Variants in SPAG9 observed in about 807,000 individuals in gnomAD.
SPAG9 encodes the protein sperm associated antigen 9, also known as C-Jun-amino-terminal kinase-interacting protein 4.
In SPAG9, 35 loss-of-function variants were observed where a neutral mutation model predicts 166.5. The ratio of observed to expected loss-of-function variants is 0.21; its 90% confidence interval spans 0.16 to 0.28. The LOEUF is 0.28. SPAG9 is among the 10% of genes least tolerant of loss of function. The pLI is 1.00. For synonymous variants in SPAG9, 534 were observed against 565.5 expected, an observed-to-expected ratio of 0.94 and a Z score of 0.79; for missense variants, 1,235 against 1,603.3, an observed-to-expected ratio of 0.77 and a Z score of 3.92.
chr17:51,116,517 C>T (rs912091607), intron 1 of SPAG9, among the ~76,000 whole-genome samples: 1 of 152,164 alleles, frequency 6.6e-6, no homozygotes, highest in South Asian at 2.1e-4. Context: ...AGTCCCAACA[C>T]TTTGGCAGGA....
intron 6 of SPAG9, among the ~76,000 whole-genome samples, chr17:51,024,591 T>C (rs778817709): frequency 4.0e-5 from 6 of 151,144 alleles, no homozygotes; most frequent in Non-Finnish European, 7.4e-5. Flanking sequence ...CACACGTCTG[T>C]AATCCCAGCT....
chr17:51,109,707 C>A (rs1031444603), intron 1 of SPAG9, among the ~76,000 whole-genome samples: 2 of 151,740 alleles, frequency 1.3e-5, no homozygotes, highest in African/African-American at 2.4e-5. Flanking sequence ...TACAAAGGTT[C>A]TTTTTTTTCT....
intron 3 of SPAG9, among the ~76,000 whole-genome samples, chr17:51,048,751 T>C (rs2047100017): frequency 6.6e-6 from 1 of 152,200 alleles, no homozygotes; most frequent in Non-Finnish European, 1.5e-5. Context: ...AGCTGAACTC[T>C]GATGCATGAA....
At chr17:51,113,149 T>A (rs1402781324) in intron 1 of SPAG9, among the ~76,000 whole-genome samples, 3 of 149,144 alleles carry the variant, frequency 2.0e-5, no homozygotes, top group Non-Finnish European at 4.4e-5. Flanking sequence ...AGGTTGGGAG[T>A]TCGAGACCAG....
At chr17:51,100,235 G>A (rs1046336948) in intron 1 of SPAG9, among the ~76,000 whole-genome samples, 1 of 152,206 alleles carries the variant, frequency 6.6e-6, no homozygotes, top group Non-Finnish European at 1.5e-5. Context: ...CCTGGCCCTT[G>A]GCTAGGTTAA....
chr17:51,078,430 T>G (rs1016758205), intron 2 of SPAG9, among the ~76,000 whole-genome samples: 8 of 152,172 alleles, frequency 5.3e-5, no homozygotes, highest in Non-Finnish European at 1.2e-4. Context: ...AGGCATTCCA[T>G]CATGAATGGC....
At chr17:51,044,675 CAG>C (rs1299372566) in intron 4 of SPAG9, among the ~76,000 whole-genome samples, 1 of 152,098 alleles carries the variant, frequency 6.6e-6, no homozygotes, top group Non-Finnish European at 1.5e-5. Flanking sequence ...TATCAAGAAA[CAG>C]GGATTATTTT....
intron 17 of SPAG9, 82 bp downstream of exon 17, chr17:50,995,362 T>C (rs943446366): frequency 2.6e-5 from 34 of 1,308,844 alleles, no homozygotes; most frequent in Non-Finnish European, 3.5e-5. Flanking sequence ...ACCATAGAAG[T>C]AATACTTATA....
Position 50,991,692 on chromosome 17 carries a change from C to T in SPAG9, c.2399-1024G>A, listed in dbSNP as rs973760697. On this transcript the variant is annotated intron_variant, in intron 19 of 29. Transcript: ENST00000262013. ...AGGCTGGTGTGCAATGGTACAGTCT[C>T]GGCTCACTGCAACCTCTGCCTCCCA... is the stretch of plus-strand genomic sequence containing the variant. Among the ~76,000 whole-genome samples, 8 of 151,472 alleles carry T rather than the reference C, an allele frequency of 5.3e-5. No homozygotes were observed. In the South Asian group the frequency reaches 1.3e-3, roughly 24 times the overall value.
At chr17:50,973,957 C>T (rs57768749) in intron 28 of SPAG9, among the ~76,000 whole-genome samples, 8,685 of 152,256 alleles carry the variant, frequency 0.057, 737 homozygotes, top group African/African-American at 0.19. Flanking sequence ...CATACACATG[C>T]ATCCTATTGG....
intron 4 of SPAG9, chr17:51,046,435 A>C (rs2047022975): frequency 1.1e-5 from 13 of 1,137,454 alleles, no homozygotes; most frequent in Non-Finnish European, 1.5e-5. Context: ...TACAAAGCAG[A>C]CCCGTTGAGC....
intron 25 of SPAG9, among the ~76,000 whole-genome samples, chr17:50,980,425 A>G (rs1212942135): frequency 6.6e-6 from 1 of 151,740 alleles, no homozygotes; most frequent in East Asian, 2.0e-4. Context: ...GGCTGGTCTC[A>G]AACTCCTGAC....
intron 8 of SPAG9, among the ~76,000 whole-genome samples, chr17:51,018,711 C>A (rs1232266628): frequency 2.6e-5 from 4 of 152,036 alleles, no homozygotes; most frequent in Non-Finnish European, 5.9e-5. Context: ...AGTAACAAGC[C>A]CCAGTCAGGA....
intron 2 of SPAG9, among the ~76,000 whole-genome samples, chr17:51,060,710 T>C (rs2047485870): frequency 6.6e-6 from 1 of 152,218 alleles, no homozygotes; most frequent in African/African-American, 2.4e-5. Flanking sequence ...GCTTGTACCA[T>C]GGATCTCAGA....
At chr17:51,082,029 C>T (rs759804093) in intron 1 of SPAG9, among the ~76,000 whole-genome samples, 9 of 152,184 alleles carry the variant, frequency 5.9e-5, no homozygotes, top group Non-Finnish European at 1.0e-4. Flanking sequence ...TCCTTCACAT[C>T]TTTGTTCAAA....
intron 1 of SPAG9, among the ~76,000 whole-genome samples, chr17:51,093,187 C>CA (rs1235512311): frequency 1.4e-5 from 2 of 144,024 alleles, no homozygotes; most frequent in African/African-American, 5.2e-5. Context: ...CAAGCCTAGG[C>CA]AAAATAGCAA....
In SPAG9 at chr17:51,120,701, G is replaced by C; in HGVS notation, c.-45C>G. The C allele has an allele frequency of 6.6e-7, 1 of 1,507,160 alleles. No individual in the cohort carries two copies. Among genetic ancestry groups the C allele is most frequent in the East Asian group, 2.5e-5 (1 of 40,664 alleles). The allele number at this position is 1,507,160 out of a possible 1,614,324, so 93.4% of individuals were successfully genotyped here. On this transcript the variant is annotated 5_prime_UTR_variant, in exon 1 of 30. Transcript: ENST00000262013. The surrounding 1 kb of genome is among the most constrained non-coding windows in gnomAD (Gnocchi z 4.7). ...GGCGGCCCGGGGCGTCGCCGGCAGAGGGGCGGCACCTGCCCGCACGGGACG... is the reference window on the plus strand; with the variant it reads ...GGCGGCCCGGGGCGTCGCCGGCAGACGGGCGGCACCTGCCCGCACGGGACG...
At chr17:51,095,432 C>A (rs1301789828) in intron 1 of SPAG9, among the ~76,000 whole-genome samples, 1 of 151,470 alleles carries the variant, frequency 6.6e-6, no homozygotes, top group Admixed American at 6.6e-5. Flanking sequence ...CATGGTGAAA[C>A]CCCGTCTCAC....
At chr17:51,017,646 T>A (rs1568003207) in intron 8 of SPAG9, among the ~76,000 whole-genome samples, 2 of 152,070 alleles carry the variant, frequency 1.3e-5, no homozygotes, top group Non-Finnish European at 2.9e-5. Context: ...TCTTTATTTA[T>A]AAAATAAGGA....
Sources: gnomAD v4.1 joint callset for allele counts (sites outside exome capture counted in the v4.1 genomes callset) on GRCh38, gnomAD v4.1.1 for gene constraint, Gnocchi (gnomAD v3.1) non-coding constraint, MANE v1.5 for transcripts, NCBI Gene and HGNC (gene_info 2026-07-23, HGNC 2026-07-21) for gene names.